The following MIDEAS variants were observed in gnomAD, a reference collection of about 807,000 sequenced individuals.
MIDEAS encodes mitotic deacetylase-associated SANT domain protein.
MIDEAS carries 26 observed loss-of-function variants against 102.7 expected under a neutral mutation model. That is an observed-to-expected ratio of 0.25 (90% confidence interval 0.19 to 0.35). The LOEUF (loss-of-function observed/expected upper bound fraction) is 0.35, where lower values mean the gene tolerates loss of function less well. MIDEAS is among the 10% of genes least tolerant of loss of function. The pLI, the probability that MIDEAS is intolerant of heterozygous loss-of-function variation, is 1.00. For missense variants in MIDEAS, 1,231 were observed against 1,435.6 expected (o/e 0.86, Z 2.30); for synonymous variants, 585 against 591.0 (o/e 0.99, Z 0.15).
intron 1 of MIDEAS, among the ~76,000 whole-genome samples, chr14:73,777,148 G>A (rs541889826): frequency 1.1e-4 from 17 of 151,988 alleles, no homozygotes; most frequent in African/African-American, 2.6e-4. Context: ...AACCACATGC[G>A]CAGCCTAGCC....
At chr14:73,726,398 G>A (rs1407900446) in intron 7 of MIDEAS, among the ~76,000 whole-genome samples, 1 of 152,220 alleles carries the variant, frequency 6.6e-6, no homozygotes, top group Non-Finnish European at 1.5e-5. Flanking sequence ...ATCAGGGATG[G>A]GAATGGACAG....
At chr14:73,763,601 A>G (rs549656647), upstream of MIDEAS, among the ~76,000 whole-genome samples, 3 of 152,248 alleles carry the variant, frequency 2.0e-5, no homozygotes, top group African/African-American at 4.8e-5. Flanking sequence ...TAAACAACCA[A>G]CCTTTACCAG....
At chr14:73,728,249 TTGCTTA>T (rs1363046278) in intron 4 of MIDEAS, 4 of 106,172 alleles carry the variant, frequency 3.8e-5, no homozygotes, top group South Asian at 2.8e-4. Context: ...AAACACTCCT[TTGCTTA>T]AAAAAAAAAA....
In MIDEAS at chr14:73,721,453, C is replaced by G. The variant is rs1465992231; in HGVS notation, c.2781G>C (p.Glu927Asp). ...TCACCTCCCTCTTGGGCTCCAGCCT[C>G]TCTTCACTTGGGGACTCTCTTCTGG... ...PLPRRESPSE[E>D]RLEPKREVKE... The change falls in exon 11 of 13, where the codon GAG (glutamate) becomes GAC (aspartate). Residue 927 changes from glutamate to aspartate, a missense_variant. Physicochemically the swap from Glu to Asp is conservative, Grantham distance 45 (BLOSUM62 2). Around this residue, in one of 5 missense-constraint regions of MIDEAS, gnomAD observed 391 missense variants for 483.0 expected, o/e 0.81. Coordinates refer to ENST00000423556, the MANE Select transcript of MIDEAS (RefSeq NM_001367710.1). 15 of 1,614,080 alleles carry G rather than the reference C, an allele frequency of 9.3e-6. No individual in the cohort carries two copies. Among genetic ancestry groups the G allele is most frequent in the Middle Eastern group, 1.6e-4 (1 of 6,084 alleles).
intron 9 of MIDEAS, chr14:73,724,820 A>G (rs2053039463): frequency 1.2e-5 from 2 of 173,130 alleles, no homozygotes; most frequent in Non-Finnish European, 2.5e-5. Context: ...GGGCTTGAAC[A>G]GCTGAGTTAC....
rs756815645 is a variant in MIDEAS at position 73,727,494 on chromosome 14, G to A, written c.2126C>T (p.Ser709Phe). The A allele has an allele frequency of 2.5e-6, 4 of 1,613,820 alleles. No homozygotes were observed. The highest frequency in any genetic ancestry group is 3.4e-6 in the Non-Finnish European group (4 of 1,179,864). The change falls in exon 5 of 13, where the codon TCT becomes TTT. Residue 709 changes from serine to phenylalanine, a missense_variant. Ser to Phe is a radical substitution (Grantham distance 155). Around this residue, in one of 5 missense-constraint regions of MIDEAS, gnomAD observed 391 missense variants for 483.0 expected, o/e 0.81. Transcript: ENST00000423556. Reference sequence around the variant, plus strand: ...CACTGGGGTGGCCTCCCCCATCACAGAGAGGACAGGCGGGGTTACTTCAGC... The same window carrying A: ...CACTGGGGTGGCCTCCCCCATCACAAAGAGGACAGGCGGGGTTACTTCAGC... Reference protein sequence around the residue: ...NSAEVTPPVLSVMGEATPVSI... With the variant: ...NSAEVTPPVLFVMGEATPVSI...
In MIDEAS at chr14:73,739,250, TTGCTGC is replaced by T; in HGVS notation, c.753_758del (p.Gln252_Gln253del). ...GCTGCTGCTGCTGCTGCTGCTGTGG[TTGCTGC>T]TGCTGCTGCTGCTTCTGTGGAGGGA... On this transcript the variant is annotated inframe_deletion, in exon 2 of 13. Transcript: ENST00000423556. 6.2e-7 allele frequency: 1 copy of T among 1,604,502 alleles called. No individual in the cohort carries two copies. Among genetic ancestry groups the T allele is most frequent in the Non-Finnish European group, 8.5e-7 (1 of 1,177,780 alleles).
In MIDEAS at chr14:73,738,738, T is replaced by C. The variant is rs765980155; in HGVS notation, c.1271A>G (p.Glu424Gly). 1.2e-5 allele frequency: 20 copies of C among 1,611,968 alleles called. No individual in the cohort carries two copies. Among genetic ancestry groups the C allele is most frequent in the African/African-American group, 9.3e-5 (7 of 74,892 alleles). Residue 424 changes from glutamate (E) to glycine (G), a missense_variant, in exon 2 of 13, where the codon GAG becomes GGG. Physicochemically the swap from Glu to Gly is moderately conservative, Grantham distance 98 (BLOSUM62 -2). Transcript: ENST00000423556. ...ERLAPNGRER[E>G]APAMGSEEGM... Reference sequence around the variant, plus strand: ...CTCCTCGCTGCCCATGGCAGGAGCCTCTCGCTCCCGGCCATTGGGTGCTAG... The same window carrying C: ...CTCCTCGCTGCCCATGGCAGGAGCCCCTCGCTCCCGGCCATTGGGTGCTAG...
chr14:73,738,230 T>C (rs1413002457), intron 2 of MIDEAS, among the ~76,000 whole-genome samples: 2 of 151,506 alleles, frequency 1.3e-5, no homozygotes, highest in Non-Finnish European at 2.9e-5. Context: ...ACCCTGTCTC[T>C]ACTAAAAATA....
chr14:73,726,776 G>A, intron 6 of MIDEAS, 54 bp downstream of exon 6: 1 of 1,608,934 alleles, frequency 6.2e-7, no homozygotes, highest in South Asian at 1.1e-5. Flanking sequence ...GCAGGGTGAG[G>A]CCTGGCCCAC....
chr14:73,716,902 G>T lies in MIDEAS; in HGVS notation c.*1941C>A, dbSNP rs192726102. Reference sequence around the variant, plus strand: ...CGTATTGTACAAGTAATTTCGAAGAGAGCCTAAATTTGCTACCCCCCTGCT... The same window carrying T: ...CGTATTGTACAAGTAATTTCGAAGATAGCCTAAATTTGCTACCCCCCTGCT... On this transcript the variant is annotated 3_prime_UTR_variant, in exon 13 of 13. Transcript: ENST00000423556. 6.6e-6 allele frequency: 1 copy of T among 152,604 alleles called. No individual in the cohort carries two copies. Among genetic ancestry groups the T allele is most frequent in the Non-Finnish European group, 1.5e-5 (1 of 68,048 alleles). The allele number at this position is 152,604 out of a possible 1,614,324, so 9.5% of individuals were successfully genotyped here. A position where few individuals can be genotyped will look rare whatever the true frequency, so the allele number is the denominator to read the frequency against.
At chr14:73,757,279 C>CAAAAAAAAAAAAAAAAAAAAAAAAAAAAA (rs370387448) in intron 1 of MIDEAS, among the ~76,000 whole-genome samples, 2 of 67,722 alleles carry the variant, frequency 3.0e-5, no homozygotes, top group Non-Finnish European at 4.7e-5. Flanking sequence ...CTCTAACAAC[C>CAAAAAAAAAAAAAAAAAAAAAAAAAAAAA]AAAAAAAAAA....
chr14:73,739,709 A>G lies in MIDEAS; in HGVS notation c.300T>C (p.Ser100=), dbSNP rs1173572818. The G allele has an allele frequency of 1.2e-6, 2 of 1,613,906 alleles. No homozygotes were observed. Among genetic ancestry groups the G allele is most frequent in the Non-Finnish European group, 1.7e-6 (2 of 1,179,990 alleles). ...CCGGGCCCCGCCCTGGAGCCATCAC[A>G]GAGTTGGGCCACTTTACTGAGGCCA... is the stretch of plus-strand genomic sequence containing the variant. ...QQVASVKWPN[S]VMAPGRGPER... Residue 100 remains serine, a synonymous_variant, in exon 2 of 13, where the codon TCT becomes TCC. Coordinates refer to ENST00000423556, the MANE Select transcript of MIDEAS (RefSeq NM_001367710.1).
rs772551379 is a variant in MIDEAS, at chr14:73,718,525, A to T, written c.*318T>A. The T allele has an allele frequency of 4.1e-4, 99 of 242,174 alleles. No homozygotes were observed. Among genetic ancestry groups the T allele is most frequent in the Non-Finnish European group, 7.8e-5 (10 of 127,474 alleles). 15.0% of individuals were successfully genotyped at this position (242,174 alleles called of 1,614,324 possible). On this transcript the variant is annotated 3_prime_UTR_variant, in exon 13 of 13. Coordinates refer to ENST00000423556, the MANE Select transcript of MIDEAS (RefSeq NM_001367710.1). ...AAATAAAGGGAAAAGACTGCGGGGC[A>T]GCAGAGCAGCAGAAATCGGAGTGTG...
chr14:73,751,408 GAT>G (rs1566599153), intron 1 of MIDEAS, among the ~76,000 whole-genome samples: 1 of 152,224 alleles, frequency 6.6e-6, no homozygotes, highest in East Asian at 1.9e-4. Context: ...AAACCACCAT[GAT>G]GTTCTGAGAT....
intron 1 of MIDEAS, among the ~76,000 whole-genome samples, chr14:73,750,145 T>C (rs2053403513): frequency 6.6e-6 from 1 of 152,184 alleles, no homozygotes; most frequent in Admixed American, 6.5e-5. Flanking sequence ...CCTCTACAAA[T>C]TCGAATCCAT....
chr14:73,744,575 C>T (rs2053326060), intron 1 of MIDEAS, among the ~76,000 whole-genome samples: 1 of 152,138 alleles, frequency 6.6e-6, no homozygotes. Context: ...GGTCTGTCAC[C>T]CAAGGGCAAG....
At chr14:73,757,755 T>C (rs1362411317) in intron 1 of MIDEAS, among the ~76,000 whole-genome samples, 2 of 152,244 alleles carry the variant, frequency 1.3e-5, no homozygotes, top group African/African-American at 4.8e-5. Flanking sequence ...CTGGGGACTC[T>C]AGACACAGGA....
At chr14:73,752,681 T>C (rs2053435336) in intron 1 of MIDEAS, among the ~76,000 whole-genome samples, 1 of 152,158 alleles carries the variant, frequency 6.6e-6, no homozygotes, top group African/African-American at 2.4e-5. Context: ...TCCAGAGCCA[T>C]CACATCAGCC....
Sources: gnomAD v4.1 joint callset for allele counts (sites outside exome capture counted in the v4.1 genomes callset) on GRCh38, gnomAD v4.1.1 for gene constraint, gnomAD v4.1.1 regional missense constraint, MANE v1.5 for transcripts, NCBI Gene and HGNC (gene_info 2026-07-23, HGNC 2026-07-21) for gene names.